The following CSMD1 variants were observed in gnomAD, a reference collection of about 807,000 sequenced individuals.
The protein encoded by CSMD1 is CUB and sushi domain-containing protein 1.
CSMD1 carries 213 observed loss-of-function variants against 417.5 expected under a neutral mutation model. That is an observed-to-expected ratio of 0.51 (90% confidence interval 0.46 to 0.57). The LOEUF (loss-of-function observed/expected upper bound fraction) is 0.57. CSMD1 is among the 20% of genes least tolerant of loss of function. The pLI, the probability that CSMD1 is intolerant of heterozygous loss-of-function variation, is 0.00. For synonymous variants in CSMD1, 2,862 were observed against 1,736.8 expected, an observed-to-expected ratio of 1.65 and a Z score of -16.11; for missense variants, 6,923 against 4,529.7, an observed-to-expected ratio of 1.53 and a Z score of -15.17.
Position 3,985,129 on chromosome 8 carries a change from T to C in CSMD1, c.818+12774A>G, listed in dbSNP as rs796252974. Among the ~76,000 whole-genome samples the C allele has an allele frequency of 4.5e-4, 69 of 152,188 alleles. 1 individual carries two copies. Among genetic ancestry groups the C allele is most frequent in the African/African-American group, 1.6e-3 (66 of 41,522 alleles). ...TCATGAAGAATTACACCATAGATCA[T>C]GTACTTCAGGAGAGGGTGTGATGGA... is the stretch of plus-strand genomic sequence containing the variant. On this transcript the variant is annotated intron_variant, in intron 5 of 69. Coordinates refer to ENST00000635120, the MANE Select transcript of CSMD1 (RefSeq NM_033225.6).
intron 3 of CSMD1, among the ~76,000 whole-genome samples, chr8:4,116,867 G>A (rs1021692081): frequency 6.6e-5 from 10 of 151,940 alleles, no homozygotes; most frequent in South Asian, 2.1e-4. Flanking sequence ...ACTGTACAAT[G>A]TGCCAGAAAA....
intron 30 of CSMD1, among the ~76,000 whole-genome samples, chr8:3,211,194 A>T (rs1417729958): frequency 1.3e-5 from 2 of 152,050 alleles, no homozygotes; most frequent in Non-Finnish European, 2.9e-5. Flanking sequence ...CCAGGTGTGC[A>T]CCACCCCACA....
At chr8:4,767,516 C>A (rs550432154) in intron 1 of CSMD1, among the ~76,000 whole-genome samples, 1 of 152,222 alleles carries the variant, frequency 6.6e-6, no homozygotes, top group African/African-American at 2.4e-5. Context: ...ACCAACTTAC[C>A]CCCACATGGA....
chr8:3,050,724 TAAAG>T (rs1051164929), intron 50 of CSMD1, among the ~76,000 whole-genome samples: 6 of 152,054 alleles, frequency 3.9e-5, no homozygotes, highest in Admixed American at 6.6e-5. Context: ...AATGATGAAA[TAAAG>T]AAAAATAAAA....
intron 1 of CSMD1, among the ~76,000 whole-genome samples, chr8:4,937,888 C>G (rs1014542665): frequency 6.6e-6 from 1 of 152,036 alleles, no homozygotes; most frequent in Non-Finnish European, 1.5e-5. Context: ...CAATTTTCAC[C>G]TTGCTTGTTT....
chr8:4,840,008 G>A (rs915375948), intron 1 of CSMD1, among the ~76,000 whole-genome samples: 13 of 152,196 alleles, frequency 8.5e-5, no homozygotes, highest in African/African-American at 2.4e-4. Context: ...GGTGCTTTTT[G>A]TCCTGCATGC....
chr8:3,882,847 G>A (rs922323448), intron 5 of CSMD1, among the ~76,000 whole-genome samples: 2 of 152,160 alleles, frequency 1.3e-5, no homozygotes, highest in Admixed American at 6.5e-5. Context: ...GCTGTCAGAA[G>A]CCAAGAGAAT....
At chr8:4,459,762 C>G (rs556220173) in intron 2 of CSMD1, among the ~76,000 whole-genome samples, 6 of 152,268 alleles carry the variant, frequency 3.9e-5, no homozygotes, top group African/African-American at 1.4e-4. Context: ...AGCCTCTAGC[C>G]TCCAGAACTA....
chr8:4,711,029 G>C (rs966191191), intron 1 of CSMD1, among the ~76,000 whole-genome samples: 4 of 151,854 alleles, frequency 2.6e-5, no homozygotes, highest in South Asian at 4.2e-4. Context: ...GCCTTTTCTA[G>C]TTAGCAACTA....
chr8:4,356,644 G>A (rs931106148), intron 3 of CSMD1, among the ~76,000 whole-genome samples: 17 of 152,046 alleles, frequency 1.1e-4, no homozygotes, highest in Non-Finnish European at 1.6e-4. Context: ...CTGGTCCTGC[G>A]AAGGTAGTTC....
chr8:4,882,434 G>C (rs952662182), intron 1 of CSMD1, among the ~76,000 whole-genome samples: 12 of 151,526 alleles, frequency 7.9e-5, no homozygotes, highest in African/African-American at 2.4e-4. Context: ...TCAAATTCCG[G>C]AGGGAATTTG....
chr8:4,532,783 G>C, intron 2 of CSMD1, among the ~76,000 whole-genome samples: 1 of 139,922 alleles, frequency 7.1e-6, no homozygotes, highest in African/African-American at 2.7e-5. Flanking sequence ...GAGAAATCGT[G>C]CACCCCCAAT....
At chr8:3,553,904 T>C (rs1456380377) in intron 10 of CSMD1, among the ~76,000 whole-genome samples, 10 of 152,230 alleles carry the variant, frequency 6.6e-5, no homozygotes, top group African/African-American at 9.6e-5. Context: ...CATATTTAAA[T>C]GGTCATGTAA....
At chr8:4,688,813 A>C (rs79554835) in intron 1 of CSMD1, among the ~76,000 whole-genome samples, 10 of 152,204 alleles carry the variant, frequency 6.6e-5, no homozygotes, top group Non-Finnish European at 1.3e-4. Flanking sequence ...AGCTCTGTAA[A>C]CATCGCAAGT....
At chr8:4,382,849 T>G (rs1035080612) in intron 3 of CSMD1, among the ~76,000 whole-genome samples, 3 of 152,146 alleles carry the variant, frequency 2.0e-5, no homozygotes. Context: ...CCTTACACAT[T>G]TTGCCTACAA....
At chr8:3,664,374 T>G (rs895811581) in intron 7 of CSMD1, among the ~76,000 whole-genome samples, 6 of 152,180 alleles carry the variant, frequency 3.9e-5, no homozygotes, top group African/African-American at 1.4e-4. Context: ...ACAATGAAGC[T>G]TTTTCTGCTC....
chr8:3,224,129 A>G (rs1293090234), intron 27 of CSMD1, among the ~76,000 whole-genome samples: 1 of 152,212 alleles, frequency 6.6e-6, no homozygotes, highest in Admixed American at 6.5e-5. Context: ...TCTGACACAA[A>G]AAATTTCTTT....
intron 5 of CSMD1, among the ~76,000 whole-genome samples, chr8:3,860,299 A>G (rs1277703581): frequency 6.6e-6 from 1 of 152,156 alleles, no homozygotes; most frequent in Non-Finnish European, 1.5e-5. Context: ...AAACGTCCAT[A>G]AAAACAAAGA....
At chr8:4,823,634 C>G (rs1425596840) in intron 1 of CSMD1, among the ~76,000 whole-genome samples, 1 of 151,976 alleles carries the variant, frequency 6.6e-6, no homozygotes, top group Non-Finnish European at 1.5e-5. Context: ...CTACACATAG[C>G]CTTTAGAAAG....
Sources: gnomAD v4.1 joint callset for allele counts (sites outside exome capture counted in the v4.1 genomes callset) on GRCh38, gnomAD v4.1.1 for gene constraint, MANE v1.5 for transcripts, NCBI Gene and HGNC (gene_info 2026-07-23, HGNC 2026-07-21) for gene names.